Variants in MITF observed in about 807,000 individuals in gnomAD.
The protein encoded by MITF is melanocyte inducing transcription factor.
A neutral mutation model predicts 60.5 loss-of-function variants in MITF; 17 were observed. That is an observed-to-expected ratio of 0.28 (90% CI 0.19 to 0.42). MITF has a LOEUF of 0.42. Ranked by LOEUF, MITF falls within the 10% of genes least tolerant of loss-of-function variation. The pLI is 1.00. For missense variants in MITF, 622 were observed against 683.5 expected (o/e 0.91, Z 1.00); for synonymous variants, 260 against 248.5 (o/e 1.05, Z -0.43).
chr3:69,902,603 C>A (rs2065017499), intron 2 of MITF, among the ~76,000 whole-genome samples: 1 of 152,082 alleles, frequency 6.6e-6, no homozygotes, highest in Non-Finnish European at 1.5e-5. Flanking sequence ...TAGAATAGAA[C>A]CCTTTGAAAA....
At chr3:69,928,636 T>G (rs986897165) in intron 2 of MITF, among the ~76,000 whole-genome samples, 2 of 152,224 alleles carry the variant, frequency 1.3e-5, no homozygotes, top group African/African-American at 2.4e-5. Context: ...TTGGTATCTC[T>G]AGATCTTCTG....
At chr3:69,890,645 G>A (rs1003636001) in intron 2 of MITF, among the ~76,000 whole-genome samples, 1 of 151,682 alleles carries the variant, frequency 6.6e-6, no homozygotes, top group Non-Finnish European at 1.5e-5. Flanking sequence ...GTTAACTTGC[G>A]GTATATTTTT....
chr3:69,883,468 A>G (rs1392663547), intron 2 of MITF, among the ~76,000 whole-genome samples: 1 of 152,156 alleles, frequency 6.6e-6, no homozygotes, highest in Non-Finnish European at 1.5e-5. Flanking sequence ...TGGCTGAACT[A>G]CTGGTCTTTC....
intron 2 of MITF, among the ~76,000 whole-genome samples, chr3:69,913,600 A>T (rs1207051262): frequency 2.0e-5 from 3 of 152,230 alleles, no homozygotes; most frequent in Non-Finnish European, 4.4e-5. Context: ...ATCATCACAC[A>T]TAGTGATTGA....
intron 1 of MITF, among the ~76,000 whole-genome samples, chr3:69,864,776 C>T (rs1411340328): frequency 1.3e-5 from 2 of 152,010 alleles, no homozygotes; most frequent in African/African-American, 4.8e-5. Context: ...CTATGTCCTT[C>T]AGTGATAGTG....
chr3:69,901,152 C>A (rs1392045895), intron 2 of MITF, among the ~76,000 whole-genome samples: 1 of 146,522 alleles, frequency 6.8e-6, no homozygotes, highest in Non-Finnish European at 1.5e-5. Context: ...CCTAGACCAG[C>A]TAGATAAAAA....
chr3:69,762,911 T>C, intron 1 of MITF: 1 of 224,994 alleles, frequency 4.4e-6, no homozygotes, highest in Non-Finnish European at 8.9e-6. Context: ...TTCCTGGGGT[T>C]GGAGGTTTAA....
intron 1 of MITF, among the ~76,000 whole-genome samples, chr3:69,844,862 A>T (rs1412260568): frequency 6.6e-6 from 1 of 152,198 alleles, no homozygotes; most frequent in Admixed American, 6.5e-5. Flanking sequence ...GCATTTACTG[A>T]AAAATCAGAT....
chr3:69,899,971 C>G (rs572805528), intron 2 of MITF, among the ~76,000 whole-genome samples: 1 of 152,126 alleles, frequency 6.6e-6, no homozygotes, highest in Admixed American at 6.5e-5. Context: ...ATTTTGACCC[C>G]TCTCCACTTA....
At chr3:69,745,286 C>T (rs374249031) in intron 1 of MITF, among the ~76,000 whole-genome samples, 3 of 152,034 alleles carry the variant, frequency 2.0e-5, no homozygotes, top group East Asian at 3.9e-4. Flanking sequence ...ATGCTCTTGT[C>T]CTCTAGTCTG....
intron 1 of MITF, among the ~76,000 whole-genome samples, chr3:69,785,570 CT>C (rs970013351): frequency 6.6e-6 from 1 of 152,162 alleles, no homozygotes; most frequent in African/African-American, 2.4e-5. Flanking sequence ...GCCTTTTTTG[CT>C]TTGCTTTTTC....
chr3:69,913,448 T>C (rs2065265984), intron 2 of MITF, among the ~76,000 whole-genome samples: 1 of 152,188 alleles, frequency 6.6e-6, no homozygotes, highest in Non-Finnish European at 1.5e-5. Context: ...GATGAATTCT[T>C]CCTTGAGAGA....
At chr3:69,793,143 A>G (rs1421148229) in intron 1 of MITF, among the ~76,000 whole-genome samples, 5 of 150,970 alleles carry the variant, frequency 3.3e-5, no homozygotes, top group Admixed American at 1.3e-4. Context: ...CCTCCTGAGT[A>G]GCTGGAACTA....
intron 1 of MITF, among the ~76,000 whole-genome samples, chr3:69,759,424 G>A (rs2062178550): frequency 6.6e-6 from 1 of 152,188 alleles, no homozygotes; most frequent in South Asian, 2.1e-4. Flanking sequence ...TGATGTGAGA[G>A]CTGAAATGAG....
intron 1 of MITF, among the ~76,000 whole-genome samples, chr3:69,841,701 A>G (rs886569448): frequency 2.6e-5 from 4 of 152,330 alleles, no homozygotes; most frequent in African/African-American, 9.6e-5. Flanking sequence ...ATGTTAAATG[A>G]TTGAGTCAAT....
chr3:69,940,210 A>G (rs1046530208), intron 4 of MITF, among the ~76,000 whole-genome samples: 1 of 152,194 alleles, frequency 6.6e-6, no homozygotes, highest in Admixed American at 6.5e-5. Context: ...GCCCTAATCT[A>G]GAAAGCAGGA....
At chr3:69,814,253 C>A (rs2063145965) in intron 1 of MITF, among the ~76,000 whole-genome samples, 1 of 152,110 alleles carries the variant, frequency 6.6e-6, no homozygotes, top group Non-Finnish European at 1.5e-5. Flanking sequence ...TGTCTGATGA[C>A]CCAACCTTGT....
chr3:69,885,458 G>C (rs556805236), intron 2 of MITF, among the ~76,000 whole-genome samples: 1 of 152,168 alleles, frequency 6.6e-6, no homozygotes, highest in South Asian at 2.1e-4. Flanking sequence ...TGGGCCTAGT[G>C]TCATCTGACT....
intron 1 of MITF, among the ~76,000 whole-genome samples, chr3:69,787,742 G>C (rs369555359): frequency 2.0e-5 from 3 of 152,114 alleles, no homozygotes; most frequent in African/African-American, 4.8e-5. Flanking sequence ...TGAGCCTCAT[G>C]TTTTAATACA....
Sources: gnomAD v4.1 joint callset for allele counts (sites outside exome capture counted in the v4.1 genomes callset) on GRCh38, gnomAD v4.1.1 for gene constraint, MANE v1.5 for transcripts, NCBI Gene and HGNC (gene_info 2026-07-23, HGNC 2026-07-21) for gene names.